Variants in DCC observed in about 807,000 individuals in gnomAD.
The protein encoded by DCC is DCC netrin 1 receptor, also known as netrin receptor DCC.
DCC carries 58 observed loss-of-function variants against 172.5 expected under a neutral mutation model. The observed-to-expected ratio is 0.34, with a 90% CI of 0.27 to 0.42. The LOEUF (loss-of-function observed/expected upper bound fraction) is 0.42. Ranked by LOEUF, DCC falls within the 10% of genes least tolerant of loss-of-function variation. DCC has a pLI of 1.00. For missense variants in DCC, 1,740 were observed against 1,791.0 expected (o/e 0.97, Z 0.51); for synonymous variants, 709 against 644.5 (o/e 1.10, Z -1.52).
At chr18:53,263,475 A>G (rs1292937614) in intron 12 of DCC, among the ~76,000 whole-genome samples, 1 of 152,124 alleles carries the variant, frequency 6.6e-6, no homozygotes, top group African/African-American at 2.4e-5. Flanking sequence ...TTTAAAATGT[A>G]TTTCTATATC....
chr18:53,212,473 G>A (rs182765455), intron 11 of DCC, among the ~76,000 whole-genome samples: 22 of 152,146 alleles, frequency 1.4e-4, no homozygotes, highest in Admixed American at 3.9e-4. Flanking sequence ...GAAGGAGGGA[G>A]TAGGAACTGA....
At chr18:52,846,936 G>A (rs1409141635) in intron 2 of DCC, among the ~76,000 whole-genome samples, 1 of 152,070 alleles carries the variant, frequency 6.6e-6, no homozygotes, top group Non-Finnish European at 1.5e-5. Context: ...AATATTTCAT[G>A]GATTCAGACT....
At chr18:52,871,546 C>T (rs2039318252) in intron 2 of DCC, among the ~76,000 whole-genome samples, 1 of 152,148 alleles carries the variant, frequency 6.6e-6, no homozygotes, top group African/African-American at 2.4e-5. Flanking sequence ...TCACTGCCAC[C>T]TTGAATTCCT....
chr18:52,545,193 A>T (rs770939030), intron 1 of DCC, among the ~76,000 whole-genome samples: 25 of 152,170 alleles, frequency 1.6e-4, no homozygotes, highest in Admixed American at 7.2e-4. Context: ...GTTTATCAGG[A>T]TATGTGAGAT....
intron 12 of DCC, among the ~76,000 whole-genome samples, chr18:53,305,324 T>C (rs1449907994): frequency 6.6e-6 from 1 of 152,236 alleles, no homozygotes; most frequent in Non-Finnish European, 1.5e-5. Flanking sequence ...TATTTTACTG[T>C]CATTTTAGCA....
chr18:52,485,120 T>A (rs2030152206), intron 1 of DCC, among the ~76,000 whole-genome samples: 1 of 152,122 alleles, frequency 6.6e-6, no homozygotes, highest in Admixed American at 6.6e-5. Flanking sequence ...ACTAACAATC[T>A]CTTTCATAAC....
chr18:52,920,939 A>G (rs2040115406), intron 3 of DCC, among the ~76,000 whole-genome samples: 1 of 152,162 alleles, frequency 6.6e-6, no homozygotes, highest in South Asian at 2.1e-4. Context: ...TATGTACTTT[A>G]TGATTCTAGT....
intron 2 of DCC, among the ~76,000 whole-genome samples, chr18:52,841,207 C>T (rs1273607849): frequency 6.6e-6 from 1 of 151,706 alleles, no homozygotes; most frequent in Non-Finnish European, 1.5e-5. Flanking sequence ...AAATCTGGGA[C>T]CTTGTTGGCT....
intron 1 of DCC, among the ~76,000 whole-genome samples, chr18:52,737,536 G>T (rs1476788681): frequency 6.6e-6 from 1 of 152,062 alleles, no homozygotes; most frequent in Non-Finnish European, 1.5e-5. Context: ...TATGAAAATG[G>T]CATGTGTTTT....
At chr18:53,024,373 T>C (rs1288378149) in intron 5 of DCC, among the ~76,000 whole-genome samples, 1 of 152,152 alleles carries the variant, frequency 6.6e-6, no homozygotes, top group Non-Finnish European at 1.5e-5. Context: ...TTTGCCTCCC[T>C]TGCAATCTCT....
chr18:52,567,387 A>C (rs1015242365), intron 1 of DCC, among the ~76,000 whole-genome samples: 2 of 152,094 alleles, frequency 1.3e-5, no homozygotes, highest in African/African-American at 4.8e-5. Context: ...AATGGCAGGA[A>C]AATGTAGTGT....
intron 1 of DCC, among the ~76,000 whole-genome samples, chr18:52,568,883 A>C (rs1175766973): frequency 6.6e-6 from 1 of 152,188 alleles, no homozygotes; most frequent in East Asian, 1.9e-4. Flanking sequence ...AATTTATTAC[A>C]GTTTTTAAAA....
At chr18:53,529,160 T>C (rs12963678) in intron 28 of DCC, among the ~76,000 whole-genome samples, 8 of 151,978 alleles carry the variant, frequency 5.3e-5, no homozygotes, top group African/African-American at 1.4e-4. Flanking sequence ...GATTGGGTAG[T>C]GTATGCCCGA....
At chr18:53,158,867 C>T (rs1351222928) in intron 8 of DCC, among the ~76,000 whole-genome samples, 1 of 151,634 alleles carries the variant, frequency 6.6e-6, no homozygotes, top group Non-Finnish European at 1.5e-5. Context: ...GTGGCGCGCA[C>T]CTGTCATCCT....
intron 2 of DCC, among the ~76,000 whole-genome samples, chr18:52,883,348 TTATGTGTGTGTGTGTG>T (rs1192465913): frequency 1.4e-4 from 15 of 106,228 alleles, no homozygotes; most frequent in East Asian, 2.7e-4. Context: ...ATTTATTTAT[TTATGTGTGTGTGTGTG>T]TGTGTGTGTG....
intron 1 of DCC, among the ~76,000 whole-genome samples, chr18:52,613,498 G>T (rs1399002769): frequency 4.6e-5 from 7 of 151,862 alleles, no homozygotes; most frequent in African/African-American, 1.7e-4. Flanking sequence ...CTTGTGATCC[G>T]CCCGCCTCTG....
intron 1 of DCC, among the ~76,000 whole-genome samples, chr18:52,501,128 C>T (rs904360073): frequency 8.6e-5 from 13 of 152,034 alleles, no homozygotes; most frequent in Non-Finnish European, 1.3e-4. Flanking sequence ...AATCTTCGCA[C>T]GTTGGTAATT....
chr18:52,534,111 T>G (rs1408835750), intron 1 of DCC, among the ~76,000 whole-genome samples: 2 of 152,144 alleles, frequency 1.3e-5, no homozygotes, highest in Admixed American at 1.3e-4. Context: ...TGTGAATTAA[T>G]GGAAAAATAT....
chr18:52,877,592 A>G (rs1025919584), intron 2 of DCC, among the ~76,000 whole-genome samples: 1 of 151,916 alleles, frequency 6.6e-6, no homozygotes. Context: ...CTTTAATCCC[A>G]GGTACTTTGG....
Sources: allele counts gnomAD v4.1 joint callset (sites outside exome capture counted in the v4.1 genomes callset), GRCh38; gene constraint gnomAD v4.1.1; transcripts MANE v1.5; gene names NCBI Gene and HGNC (gene_info 2026-07-23, HGNC 2026-07-21).